The following ACOXL variants were observed in gnomAD, a reference collection of about 807,000 sequenced individuals.
ACOXL encodes the protein acyl-coenzyme A oxidase-like protein.
ACOXL carries 70 observed loss-of-function variants against 71.9 expected under a neutral mutation model. The ratio of observed to expected loss-of-function variants is 0.97; its 90% CI spans 0.80 to 1.19. ACOXL has a LOEUF of 1.19. Ranked by LOEUF, ACOXL falls within the 50% of genes most tolerant of loss-of-function variation. The pLI is 0.00. For synonymous variants in ACOXL, 253 were observed against 281.6 expected, an observed-to-expected ratio of 0.90 and a Z score of 1.02; for missense variants, 703 against 736.3, an observed-to-expected ratio of 0.95 and a Z score of 0.52.
intron 16 of ACOXL, among the ~76,000 whole-genome samples, chr2:111,057,943 C>T (rs1411011474): frequency 3.3e-5 from 5 of 149,798 alleles, no homozygotes; most frequent in Non-Finnish European, 5.9e-5. Flanking sequence ...GAGGGTGCAA[C>T]GCTTTGGGGA....
rs754726628 is a variant in ACOXL, at chr2:110,963,593, GT to G, written c.1060-23514del. On this transcript the variant is annotated intron_variant, in intron 12 of 17. Coordinates refer to ENST00000439055, the MANE Select transcript of ACOXL (RefSeq NM_001142807.4). ...TGTGTGTGTGTGTGTGTGTGTGTGT[GT>G]GTGTGTGTGTTTTTCTCTTTCTGCA... 1,152 of 1,447,400 alleles carry G rather than the reference GT, an allele frequency of 8.0e-4. 5 individuals are homozygous for G. The African/African-American group carries it at 0.02, about 25-fold the overall frequency. 89.7% of individuals were successfully genotyped at this position (1,447,400 alleles called of 1,614,324 possible).
chr2:110,828,936 C>T (rs571466843), intron 9 of ACOXL, among the ~76,000 whole-genome samples: 6 of 152,174 alleles, frequency 3.9e-5, no homozygotes, highest in South Asian at 2.1e-4. Context: ...CTCAGCCTCC[C>T]GAGTAGCTGG....
Position 110,906,586 on chromosome 2 carries a change from C to CAAA in ACOXL, c.789-2187_789-2185dup, listed in dbSNP as rs78173066. ...ATTATTATCGTACTTATTTTTCAGCCAAAAAAAAAAAAAAAAAACCAACCT... is the reference window on the plus strand; with the variant it reads ...ATTATTATCGTACTTATTTTTCAGCCAAAAAAAAAAAAAAAAAAAAACCAACCT... On this transcript the variant is annotated intron_variant, in intron 10 of 17. Transcript: ENST00000439055. 7.9e-3 allele frequency among the ~76,000 whole-genome samples: 783 copies of CAAA among 98,854 alleles called. 14 individuals carry two copies. The highest frequency in any genetic ancestry group is 0.033 in the African/African-American group (763 of 23,194). The allele number at this position is 98,854 out of a possible 152,430, so 64.9% of individuals were successfully genotyped here.
At position 110,933,620 on chromosome 2, in the gene ACOXL, G is replaced by A. The variant is rs2060559079; in HGVS notation, c.1037G>A (p.Cys346Tyr). 2 of 1,612,284 alleles carry A rather than the reference G, an allele frequency of 1.2e-6. No individual in the cohort carries two copies. The highest frequency in any genetic ancestry group is 1.1e-5 in the South Asian group (1 of 90,926). The part of the protein sequence containing the change: ...TWENIRCLQD[C>Y]RECTGGMVVG... Reference sequence around the variant, plus strand: ...GAGAACATCCGCTGCCTGCAGGACTGCCGCGAGTGCACTGGAGGCATGGTG... The same window carrying A: ...GAGAACATCCGCTGCCTGCAGGACTACCGCGAGTGCACTGGAGGCATGGTG... The change falls in exon 12 of 18, where the codon TGC (cysteine) becomes TAC (tyrosine). Residue 346 changes from cysteine (C) to tyrosine (Y), a missense_variant. Coordinates refer to ENST00000439055, the MANE Select transcript of ACOXL (RefSeq NM_001142807.4).
chr2:110,749,198 C>T (rs1004741501), intron 1 of ACOXL, among the ~76,000 whole-genome samples: 4 of 152,164 alleles, frequency 2.6e-5, no homozygotes, highest in African/African-American at 9.7e-5. Flanking sequence ...GAAAACCATG[C>T]ACAAAGACTG....
Position 110,743,588 on chromosome 2 carries a change from T to G in ACOXL, c.-23+10814T>G, listed in dbSNP as rs1427542932. On this transcript the variant is annotated intron_variant, in intron 1 of 17. Transcript: ENST00000439055. The stretch of plus-strand genomic sequence containing the variant: ...GGAGGGCCGGGTGGAGGTCATTCAG[T>G]GCTGCCAGGCCTTTGGTGGGACACG... 3.3e-5 allele frequency among the ~76,000 whole-genome samples: 5 copies of G among 152,286 alleles called. No homozygotes were observed. The East Asian group carries it at 9.7e-4, about 29-fold the overall frequency.
At chr2:110,742,096 A>T (rs190876719) in intron 1 of ACOXL, among the ~76,000 whole-genome samples, 148 of 152,332 alleles carry the variant, frequency 9.7e-4, no homozygotes, top group Non-Finnish European at 1.8e-3. Context: ...GGTCCCAGGG[A>T]TGGGGACAGC....
chr2:111,082,099 C>A (rs1477377971), intron 16 of ACOXL, among the ~76,000 whole-genome samples: 1 of 152,194 alleles, frequency 6.6e-6, no homozygotes, highest in Non-Finnish European at 1.5e-5. Flanking sequence ...GCATTCAGGA[C>A]ATAGGCATGG....
chr2:110,921,355 GCTCT>G (rs796257767), intron 11 of ACOXL, among the ~76,000 whole-genome samples: 2 of 133,342 alleles, frequency 1.5e-5, no homozygotes, highest in Admixed American at 8.0e-5. Flanking sequence ...GCTCTCTCTT[GCTCT>G]CTCTCTCTCT....
intron 10 of ACOXL, among the ~76,000 whole-genome samples, chr2:110,902,966 A>G (rs979139995): frequency 5.3e-5 from 8 of 152,218 alleles, no homozygotes; most frequent in African/African-American, 1.9e-4. Context: ...GAGCCCAGGA[A>G]GGAACTGAGC....
intron 16 of ACOXL, among the ~76,000 whole-genome samples, chr2:111,075,688 C>T (rs2149949603): frequency 6.6e-6 from 1 of 151,950 alleles, no homozygotes; most frequent in Middle Eastern, 3.4e-3. Context: ...CTTCTTTTCT[C>T]TTGTAAGCAT....
At chr2:110,994,658 G>A (rs1426464369) in intron 13 of ACOXL, among the ~76,000 whole-genome samples, 2 of 152,064 alleles carry the variant, frequency 1.3e-5, no homozygotes, top group African/African-American at 2.4e-5. Context: ...AAAAGCTCAC[G>A]AGCTTTTAAT....
Position 110,790,707 on chromosome 2 carries a change from A to G in ACOXL, c.160-2943A>G, listed in dbSNP as rs546850637. Reference sequence around the variant, plus strand: ...GGACGCTGGGTAGTCTGACAGGAGAACCACAGTGTCCTCTCGGAGGACACT... The same window carrying G: ...GGACGCTGGGTAGTCTGACAGGAGAGCCACAGTGTCCTCTCGGAGGACACT... On this transcript the variant is annotated intron_variant, in intron 3 of 17. Transcript: ENST00000439055. 3.9e-5 allele frequency among the ~76,000 whole-genome samples: 6 copies of G among 152,108 alleles called. No individual in the cohort carries two copies. The South Asian group carries it at 1.2e-3, about 32-fold the overall frequency.
chr2:110,926,857 C>T (rs2060289981), intron 11 of ACOXL, among the ~76,000 whole-genome samples: 1 of 152,146 alleles, frequency 6.6e-6, no homozygotes, highest in Non-Finnish European at 1.5e-5. Flanking sequence ...ATCCACTCTC[C>T]AGGAATCACC....
chr2:111,055,091 C>G (rs746944391), intron 16 of ACOXL, among the ~76,000 whole-genome samples: 1 of 152,198 alleles, frequency 6.6e-6, no homozygotes, highest in Non-Finnish European at 1.5e-5. Flanking sequence ...TCACCCACCC[C>G]CAACCTTGGT....
At chr2:110,885,173 C>T (rs530530811) in intron 10 of ACOXL, among the ~76,000 whole-genome samples, 1 of 152,242 alleles carries the variant, frequency 6.6e-6, no homozygotes, top group Admixed American at 6.5e-5. Context: ...GAGATGGGAA[C>T]ATTTAACAGG....
intron 1 of ACOXL, among the ~76,000 whole-genome samples, chr2:110,766,216 T>G (rs748973380): frequency 6.6e-6 from 1 of 152,232 alleles, no homozygotes; most frequent in Admixed American, 6.5e-5. Flanking sequence ...AGTAAATTCT[T>G]TGTATGTGTT....
chr2:110,918,966 T>G (rs184642192), intron 11 of ACOXL, among the ~76,000 whole-genome samples: 375 of 152,272 alleles, frequency 2.5e-3, no homozygotes, highest in African/African-American at 8.5e-3. Flanking sequence ...GAGTGTAAAT[T>G]AGTTCAACCA....
chr2:110,799,575 C>G lies in ACOXL; in HGVS notation c.547+475C>G, dbSNP rs187847643. Among the ~76,000 whole-genome samples, 26 of 152,310 alleles carry G rather than the reference C, an allele frequency of 1.7e-4. No individual in the cohort carries two copies. In the Middle Eastern group the frequency reaches 0.024, roughly 139 times the overall value. On this transcript the variant is annotated intron_variant, in intron 7 of 17. Transcript: ENST00000439055. ...AACAGAAGTGTATTGTCTCACAGTT[C>G]TGGAGGCTGGAAGTCCAAGATGACG...
Sources: allele counts gnomAD v4.1 joint callset (sites outside exome capture counted in the v4.1 genomes callset), GRCh38; gene constraint gnomAD v4.1.1; transcripts MANE v1.5; gene names NCBI Gene and HGNC (gene_info 2026-07-23, HGNC 2026-07-21).